Variants in C1QTNF2 observed in about 807,000 individuals in gnomAD.
C1QTNF2 encodes the protein complement C1q tumor necrosis factor-related protein 2.
C1QTNF2 carries 15 observed loss-of-function variants against 17.4 expected under a neutral mutation model. The observed-to-expected ratio is 0.86, with a 90% CI of 0.58 to 1.33. The LOEUF is 1.33. Ranked by LOEUF, C1QTNF2 falls within the 40% of genes most tolerant of loss-of-function variation. The pLI is 0.00. For synonymous variants in C1QTNF2, 154 were observed against 163.3 expected (o/e 0.94, Z 0.44); for missense variants, 381 against 392.3 (o/e 0.97, Z 0.24).
intron 2 of C1QTNF2, among the ~76,000 whole-genome samples, chr5:160,354,473 G>T (rs1763988197): frequency 6.6e-6 from 1 of 151,440 alleles, no homozygotes; most frequent in South Asian, 2.1e-4. Flanking sequence ...CAGCTACTCA[G>T]GAGGCTGAGG....
At chr5:160,358,850 G>A (rs555817293) in intron 1 of C1QTNF2, among the ~76,000 whole-genome samples, 3 of 151,978 alleles carry the variant, frequency 2.0e-5, no homozygotes, top group South Asian at 2.1e-4. Context: ...GCGTGATCTC[G>A]GCTCACTGCA....
intron 2 of C1QTNF2, among the ~76,000 whole-genome samples, chr5:160,351,171 T>C (rs1763913088): frequency 6.6e-6 from 1 of 152,226 alleles, no homozygotes; most frequent in South Asian, 2.1e-4. Context: ...TGTTTTCCTT[T>C]AGAAGGCTTT....
chr5:160,350,352 T>C lies in C1QTNF2; in HGVS notation c.245-571A>G, dbSNP rs552284581. The stretch of plus-strand genomic sequence containing the variant: ...AAAAAGTAGAGTTACGTGTGCTCTA[T>C]GAAACCTTCTCTAACATACACTAAG... On this transcript the variant is annotated intron_variant, in intron 2 of 2. Coordinates refer to ENST00000652664, the MANE Select transcript of C1QTNF2 (RefSeq NM_031908.6). Among the ~76,000 whole-genome samples, 5 of 152,094 alleles carry C rather than the reference T, an allele frequency of 3.3e-5. No individual in the cohort carries two copies. In the South Asian group the frequency reaches 1.0e-3, roughly 31 times the overall value.
In C1QTNF2 at chr5:160,349,757, C is replaced by G. The variant is rs368748511; in HGVS notation, c.269G>C (p.Arg90Pro). The change falls in exon 3 of 3, where the codon CGG (arginine) becomes CCG (proline). Residue 90 changes from arginine to proline, a missense_variant. Arg to Pro is a moderately radical substitution (Grantham distance 103, BLOSUM62 -2). Transcript: ENST00000652664. This position sits in a 1 kb window ranked among gnomAD's most constrained non-coding sequence, Gnocchi z 4.3. ...EEGPPGRTGNRGKPGPKGKAG... is the reference protein window; with the variant it reads ...EEGPPGRTGNPGKPGPKGKAG... ...TTTGCCCTTTGGTCCTGGCTTTCCC[C>G]GGTTACCTGTCCGGCCAGGTGGACC... The G allele has an allele frequency of 1.3e-6, 2 of 1,530,560 alleles. No individual in the cohort carries two copies. The highest frequency in any genetic ancestry group is 1.3e-5 in the South Asian group (1 of 77,448). The allele number at this position is 1,530,560 out of a possible 1,614,324, so 94.8% of individuals were successfully genotyped here.
chr5:160,369,175 G>A (rs2961924), intron 1 of C1QTNF2, among the ~76,000 whole-genome samples: 127,385 of 152,102 alleles, frequency 0.84, 53,664 homozygotes, highest in African/African-American at 0.93. Context: ...ATTGGGAGGG[G>A]GTGTGTGGGC....
intron 2 of C1QTNF2, among the ~76,000 whole-genome samples, chr5:160,350,256 C>T (rs975913370): frequency 5.4e-4 from 82 of 152,252 alleles, no homozygotes; most frequent in African/African-American, 1.9e-3. Context: ...AACTAAATGC[C>T]CATCCAAAGG....
At position 160,354,842 on chromosome 5, in the gene C1QTNF2, A is replaced by G; in HGVS notation, c.170T>C (p.Met57Thr). ...PPGAPGPSGM[M>T]GRMGFPGKDG... ...TTTGCCAGGAAAGCCCATTCGTCCC[A>G]TCATTCCTGAGGGCCCTGGGGCTCC... The change falls in exon 2 of 3, where the codon ATG becomes ACG. Residue 57 changes from methionine to threonine, a missense_variant. Met to Thr is a moderately conservative substitution (Grantham distance 81). Transcript: ENST00000652664. 6.2e-7 allele frequency: 1 copy of G among 1,612,760 alleles called. No homozygotes were observed. Among genetic ancestry groups the G allele is most frequent in the Non-Finnish European group, 8.5e-7 (1 of 1,179,688 alleles).
At chr5:160,360,415 C>T (rs959574739) in intron 1 of C1QTNF2, among the ~76,000 whole-genome samples, 1 of 152,198 alleles carries the variant, frequency 6.6e-6, no homozygotes, top group East Asian at 1.9e-4. Flanking sequence ...AGCACTGACA[C>T]CCCTTGATAC....
At chr5:160,365,561 T>TC (rs1475196046) in intron 1 of C1QTNF2, among the ~76,000 whole-genome samples, 1 of 150,372 alleles carries the variant, frequency 6.7e-6, no homozygotes, top group South Asian at 2.1e-4. Context: ...AAGTGAGACC[T>TC]CCCCCCACCT....
chr5:160,360,956 G>A (rs1356892990), intron 1 of C1QTNF2, among the ~76,000 whole-genome samples: 2 of 151,912 alleles, frequency 1.3e-5, no homozygotes, highest in African/African-American at 4.8e-5. Context: ...CACCATGCCC[G>A]GCTAATTTTT....
At chr5:160,358,321 G>A (rs1764088937) in intron 1 of C1QTNF2, among the ~76,000 whole-genome samples, 2 of 152,302 alleles carry the variant, frequency 1.3e-5, no homozygotes, top group South Asian at 4.1e-4. Context: ...GCTACAAATA[G>A]CCCTGCTCCC....
chr5:160,349,386 G>C lies in C1QTNF2; in HGVS notation c.640C>G (p.His214Asp), dbSNP rs754039750. The C allele has an allele frequency of 5.0e-6, 8 of 1,614,082 alleles. No homozygotes were observed. Among genetic ancestry groups the C allele is most frequent in the Non-Finnish European group, 6.8e-6 (8 of 1,180,038 alleles). Residue 214 changes from histidine to aspartate, a missense_variant, in exon 3 of 3, where the codon CAC becomes GAC. His to Asp is a moderately conservative substitution (Grantham distance 81, BLOSUM62 -1). Coordinates refer to ENST00000652664, the MANE Select transcript of C1QTNF2 (RefSeq NM_031908.6). This position sits in a 1 kb window ranked among gnomAD's most constrained non-coding sequence, Gnocchi z 4.3. The part of the protein sequence containing the change: ...ANKHLAIGLV[H>D]NGQYRIRTFD... The stretch of plus-strand genomic sequence containing the variant: ...GTCCGGATGCGGTACTGGCCGTTGT[G>C]CACCAGGCCGATGGCCAGGTGCTTG...
intron 1 of C1QTNF2, among the ~76,000 whole-genome samples, chr5:160,370,040 T>C (rs1306317374): frequency 1.3e-5 from 2 of 152,224 alleles, no homozygotes; most frequent in Non-Finnish European, 2.9e-5. Context: ...ACTGTGATTG[T>C]TAGCTCGGGT....
At chr5:160,355,046 A>T in intron 1 of C1QTNF2, 26 bp from the exon 2 acceptor site, 1 of 1,507,962 alleles carries the variant, frequency 6.6e-7, no homozygotes. Flanking sequence ...GAGCTGTGAC[A>T]GGTGAGTGTG....
intron 1 of C1QTNF2, among the ~76,000 whole-genome samples, chr5:160,362,612 T>G (rs930958925): frequency 6.6e-5 from 10 of 152,166 alleles, no homozygotes; most frequent in African/African-American, 9.7e-5. Flanking sequence ...GAGGTCCCAC[T>G]GGCGTTTGAG....
At chr5:160,370,059 C>CA (rs1252323241) in intron 1 of C1QTNF2, among the ~76,000 whole-genome samples, 1 of 152,178 alleles carries the variant, frequency 6.6e-6, no homozygotes, top group African/African-American at 2.4e-5. Flanking sequence ...GTATTGGACT[C>CA]AGATTTACCA....
chr5:160,358,912 C>T (rs1217297751), intron 1 of C1QTNF2, among the ~76,000 whole-genome samples: 1 of 152,108 alleles, frequency 6.6e-6, no homozygotes. Flanking sequence ...TCCCGAGAAG[C>T]TGGGACTATA....
intron 1 of C1QTNF2, among the ~76,000 whole-genome samples, chr5:160,370,123 T>C (rs1182609755): frequency 6.6e-6 from 1 of 152,190 alleles, no homozygotes; most frequent in East Asian, 1.9e-4. Flanking sequence ...GTCCAAGTCA[T>C]TAATGTCTCT....
At chr5:160,370,433 C>G in intron 1 of C1QTNF2, 79 bp downstream of exon 1, 1 of 1,354,392 alleles carries the variant, frequency 7.4e-7, no homozygotes. Context: ...CCGCCCCGCC[C>G]GCAGCAGTGC....
Sources: allele counts gnomAD v4.1 joint callset (sites outside exome capture counted in the v4.1 genomes callset), GRCh38; gene constraint gnomAD v4.1.1; non-coding constraint Gnocchi (gnomAD v3.1); transcripts MANE v1.5; gene names NCBI Gene and HGNC (gene_info 2026-07-23, HGNC 2026-07-21).